The following NOL4 variants were observed in gnomAD, a reference collection of about 807,000 sequenced individuals.
The protein encoded by NOL4 is nucleolar protein 4, also known as cancer/testis antigen 125.
Under a neutral mutation model 75.9 loss-of-function variants are expected in NOL4, and 17 were observed. That is an observed-to-expected ratio of 0.22 (90% CI 0.15 to 0.34). The LOEUF is 0.34. NOL4 is among the 10% of genes least tolerant of loss of function. The probability of loss-of-function intolerance (pLI) is 1.00; values close to 1 mark genes in which losing one functional copy is unlikely to be tolerated. For synonymous variants in NOL4, 292 were observed against 289.9 expected (o/e 1.01, Z -0.07); for missense variants, 614 against 793.5 (o/e 0.77, Z 2.72).
chr18:34,190,709 T>G (rs867170398), intron 1 of NOL4, among the ~76,000 whole-genome samples: 1 of 151,526 alleles, frequency 6.6e-6, no homozygotes, highest in African/African-American at 2.4e-5. Flanking sequence ...TGATTATTTA[T>G]AATTTAATTA....
intron 9 of NOL4, among the ~76,000 whole-genome samples, chr18:33,933,518 A>C (rs750222513): frequency 1.3e-5 from 2 of 152,158 alleles, no homozygotes; most frequent in Non-Finnish European, 2.9e-5. Context: ...ATGGGAGTCA[A>C]TTCCTGACAC....
At chr18:33,935,936 G>A (rs1163524462) in intron 9 of NOL4, among the ~76,000 whole-genome samples, 1 of 152,122 alleles carries the variant, frequency 6.6e-6, no homozygotes, top group African/African-American at 2.4e-5. Flanking sequence ...GAGAATAAGT[G>A]TGGACTGGCA....
chr18:34,005,268 C>A (rs1251058602), intron 6 of NOL4, among the ~76,000 whole-genome samples: 11 of 152,166 alleles, frequency 7.2e-5, no homozygotes, highest in Non-Finnish European at 1.3e-4. Flanking sequence ...CCATCTCTCT[C>A]TGCATCCTTC....
Position 34,224,701 on chromosome 18 carries a change from T to C in NOL4, c.-1448A>G, listed in dbSNP as rs1330838064. 2 of 152,296 alleles carry C rather than the reference T, an allele frequency of 1.3e-5. No individual in the cohort carries two copies. Among genetic ancestry groups the C allele is most frequent in the Admixed American group, 1.3e-4 (2 of 15,282 alleles). The allele number at this position is 152,296 out of a possible 1,614,324, so 9.4% of individuals were successfully genotyped here. On this transcript the variant is annotated 5_prime_UTR_variant, in exon 1 of 11. Coordinates refer to ENST00000261592, the MANE Select transcript of NOL4 (RefSeq NM_003787.5). ...TCCCGGAAAGGGAAAGCGGGATGTT[T>C]GCGCCCACCGCGCTGTAGCTGGTCC...
chr18:33,860,702 G>C (rs59845781), intron 10 of NOL4, among the ~76,000 whole-genome samples: 26,610 of 151,404 alleles, frequency 0.18, 2,443 homozygotes, highest in Non-Finnish European at 0.22. Context: ...GGGCATCCCT[G>C]TCTTGTGCCA....
intron 9 of NOL4, among the ~76,000 whole-genome samples, chr18:33,922,037 G>C (rs1314602429): frequency 6.6e-6 from 1 of 152,168 alleles, no homozygotes; most frequent in Non-Finnish European, 1.5e-5. Context: ...AAGATGGAAG[G>C]CTGGAGCTGC....
intron 6 of NOL4, among the ~76,000 whole-genome samples, chr18:34,008,967 C>T (rs1015149495): frequency 2.6e-5 from 4 of 151,970 alleles, no homozygotes; most frequent in Admixed American, 6.6e-5. Context: ...GCAAGCTTCA[C>T]GCATGTAAAT....
At chr18:34,099,092 C>A (rs2078920452) in intron 4 of NOL4, among the ~76,000 whole-genome samples, 1 of 151,892 alleles carries the variant, frequency 6.6e-6, no homozygotes, top group South Asian at 2.1e-4. Context: ...TCAGGCCAGG[C>A]ACCCTCACAC....
chr18:33,857,401 C>G (rs1196572170), intron 10 of NOL4, among the ~76,000 whole-genome samples: 4 of 151,972 alleles, frequency 2.6e-5, no homozygotes, highest in Non-Finnish European at 5.9e-5. Flanking sequence ...TATTGGCCAT[C>G]ATCAAAATAA....
At chr18:34,194,100 C>T (rs1478786856) in intron 1 of NOL4, among the ~76,000 whole-genome samples, 1 of 151,924 alleles carries the variant, frequency 6.6e-6, no homozygotes, top group Non-Finnish European at 1.5e-5. Context: ...GAAATGTTGG[C>T]TAAAGGATAC....
intron 1 of NOL4, among the ~76,000 whole-genome samples, chr18:34,176,091 T>C (rs2033523373): frequency 6.6e-6 from 1 of 151,942 alleles, no homozygotes; most frequent in Non-Finnish European, 1.5e-5. Context: ...TATAAGAACA[T>C]TGTCACACTA....
chr18:33,942,330 T>C (rs1030059224), intron 9 of NOL4, among the ~76,000 whole-genome samples: 4 of 151,854 alleles, frequency 2.6e-5, no homozygotes, highest in African/African-American at 9.7e-5. Context: ...AGATTTTTAC[T>C]ATGGATACTT....
intron 1 of NOL4, among the ~76,000 whole-genome samples, chr18:34,149,843 T>C (rs2081570360): frequency 6.6e-6 from 1 of 151,686 alleles, no homozygotes; most frequent in Admixed American, 6.6e-5. Context: ...CCTAGAATTG[T>C]CCCTGGTATA....
chr18:34,008,414 C>T (rs1476153957), intron 6 of NOL4, among the ~76,000 whole-genome samples: 1 of 96,838 alleles, frequency 1.0e-5, no homozygotes, highest in East Asian at 3.4e-4. Flanking sequence ...TCTATCTATC[C>T]TATGGGTTCC....
chr18:33,949,536 A>G lies in NOL4; in HGVS notation c.1429-6358T>C, dbSNP rs187065676. Among the ~76,000 whole-genome samples, 7 of 152,220 alleles carry G rather than the reference A, an allele frequency of 4.6e-5. No homozygotes were observed. In the East Asian group the frequency reaches 1.4e-3, roughly 29 times the overall value. ...AACAGGTAGCAAGAAGTTGTCTAAG[A>G]TGTAAATCAATACACAAGAGAAGCA... On this transcript the variant is annotated intron_variant, in intron 8 of 10. Coordinates refer to ENST00000261592, the MANE Select transcript of NOL4 (RefSeq NM_003787.5).
intron 1 of NOL4, among the ~76,000 whole-genome samples, chr18:34,200,079 T>C (rs2035622987): frequency 6.6e-6 from 1 of 151,852 alleles, no homozygotes; most frequent in Non-Finnish European, 1.5e-5. Flanking sequence ...CTACAGAGTG[T>C]CATCACAGAA....
chr18:34,083,673 T>C (rs1407899259), intron 5 of NOL4, among the ~76,000 whole-genome samples: 4 of 152,188 alleles, frequency 2.6e-5, no homozygotes, highest in Non-Finnish European at 4.4e-5. Context: ...AACTAGTTAC[T>C]GGCCGAGCTA....
intron 9 of NOL4, among the ~76,000 whole-genome samples, chr18:33,932,671 A>C (rs1245019020): frequency 2.0e-5 from 3 of 152,170 alleles, no homozygotes; most frequent in African/African-American, 7.2e-5. Flanking sequence ...AATTATAAAA[A>C]ATCCTATGTG....
chr18:34,167,421 T>C (rs1322253777), intron 1 of NOL4, among the ~76,000 whole-genome samples: 1 of 152,166 alleles, frequency 6.6e-6, no homozygotes, highest in Non-Finnish European at 1.5e-5. Context: ...GGATTACTTA[T>C]TCAATTTACT....
Sources: gnomAD v4.1 joint callset for allele counts (sites outside exome capture counted in the v4.1 genomes callset) on GRCh38, gnomAD v4.1.1 for gene constraint, MANE v1.5 for transcripts, NCBI Gene and HGNC (gene_info 2026-07-23, HGNC 2026-07-21) for gene names.